TSPAN9: variants seen among roughly 807,000 people sequenced by gnomAD.
TSPAN9 encodes tetraspanin-9.
TSPAN9 carries 16 observed loss-of-function variants against 31.0 expected under a neutral mutation model. The ratio of observed to expected loss-of-function variants is 0.52; its 90% CI spans 0.35 to 0.78. The LOEUF (loss-of-function observed/expected upper bound fraction) is 0.78. Among genes scored for constraint, TSPAN9 ranks in the 30% least tolerant of loss-of-function variants. The pLI is 0.01. For synonymous variants in TSPAN9, 145 were observed against 121.6 expected, an observed-to-expected ratio of 1.19 and a Z score of -1.27; for missense variants, 272 against 312.5, an observed-to-expected ratio of 0.87 and a Z score of 0.98.
At chr12:3,201,120 C>A (rs1031343593) in intron 2 of TSPAN9, 57 bp from the exon 3 acceptor site, 12 of 1,499,970 alleles carry the variant, frequency 8.0e-6, no homozygotes, top group South Asian at 2.3e-5. Context: ...TGCAATGCAC[C>A]CAAAGGCAGC....
chr12:3,171,826 A>G (rs1308380564), intron 2 of TSPAN9: 1 of 152,202 alleles, frequency 6.6e-6, no homozygotes, highest in Non-Finnish European at 1.5e-5. Flanking sequence ...CCTTGTTTGC[A>G]GTGAATCTCT....
chr12:3,206,443 G>C (rs1281770453), intron 3 of TSPAN9: 3 of 441,220 alleles, frequency 6.8e-6, no homozygotes, highest in Non-Finnish European at 9.3e-6. Context: ...GGGTGAGGCA[G>C]CAGCAGGCCT....
intron 2 of TSPAN9, among the ~76,000 whole-genome samples, chr12:3,129,540 C>T (rs2098328836): frequency 6.6e-6 from 1 of 152,136 alleles, no homozygotes; most frequent in African/African-American, 2.4e-5. Context: ...CTAATTCCAC[C>T]ACACACAAGC....
intron 1 of TSPAN9, among the ~76,000 whole-genome samples, chr12:3,082,665 T>G (rs1201303671): frequency 6.6e-6 from 1 of 152,146 alleles, no homozygotes; most frequent in Non-Finnish European, 1.5e-5. Flanking sequence ...GCAATGAACC[T>G]GAGACATTTT....
At chr12:3,105,762 A>T (rs61413838) in intron 2 of TSPAN9, among the ~76,000 whole-genome samples, 1 of 83,032 alleles carries the variant, frequency 1.2e-5, no homozygotes, top group Non-Finnish European at 2.9e-5. Flanking sequence ...ACACACGCAC[A>T]CACGCGCACG....
intron 3 of TSPAN9, among the ~76,000 whole-genome samples, chr12:3,254,946 G>A (rs999895900): frequency 6.6e-6 from 1 of 152,200 alleles, no homozygotes; most frequent in South Asian, 2.1e-4. Flanking sequence ...TGAGTGACTT[G>A]TATTTGTCGG....
chr12:3,105,295 A>C (rs1011467831), intron 2 of TSPAN9, among the ~76,000 whole-genome samples: 1 of 152,144 alleles, frequency 6.6e-6, no homozygotes, highest in African/African-American at 2.4e-5. Flanking sequence ...TTTCCGAGTG[A>C]AGTCTGGGCC....
chr12:3,082,812 T>A (rs2098298574), intron 1 of TSPAN9, among the ~76,000 whole-genome samples: 1 of 152,184 alleles, frequency 6.6e-6, no homozygotes, highest in African/African-American at 2.4e-5. Context: ...CGGTAGGCAT[T>A]GTTTCGTCAA....
At chr12:3,084,386 G>T (rs2098299378) in intron 2 of TSPAN9, among the ~76,000 whole-genome samples, 1 of 152,132 alleles carries the variant, frequency 6.6e-6, no homozygotes, top group African/African-American at 2.4e-5. Flanking sequence ...GTTTTCTCCT[G>T]CGGCTTCTCC....
chr12:3,196,764 C>T (rs1251148520), intron 2 of TSPAN9, among the ~76,000 whole-genome samples: 1 of 152,236 alleles, frequency 6.6e-6, no homozygotes, highest in South Asian at 2.1e-4. Context: ...CCTCTCCTAC[C>T]TGCCTGTTGT....
intron 2 of TSPAN9, among the ~76,000 whole-genome samples, chr12:3,167,421 G>A (rs761313983): frequency 1.8e-4 from 27 of 152,236 alleles, no homozygotes; most frequent in Non-Finnish European, 3.2e-4. Context: ...TAACTTGAGT[G>A]CAGTATTGAT....
chr12:3,272,452 G>A (rs1268765912), intron 3 of TSPAN9, among the ~76,000 whole-genome samples: 1 of 150,888 alleles, frequency 6.6e-6, no homozygotes, highest in Non-Finnish European at 1.5e-5. Flanking sequence ...TACAATGGAA[G>A]AAAAATGGAT....
At chr12:3,259,344 T>C (rs1453384607) in intron 3 of TSPAN9, among the ~76,000 whole-genome samples, 3 of 152,204 alleles carry the variant, frequency 2.0e-5, no homozygotes, top group Admixed American at 1.3e-4. Context: ...AGAACTTTAT[T>C]CATCATATAC....
chr12:3,259,372 G>C (rs1284483943), intron 3 of TSPAN9, among the ~76,000 whole-genome samples: 1 of 152,214 alleles, frequency 6.6e-6, no homozygotes, highest in Non-Finnish European at 1.5e-5. Flanking sequence ...TACTTTAGAG[G>C]AAAGTTCTCA....
chr12:3,253,917 C>T (rs1276682787), intron 3 of TSPAN9, among the ~76,000 whole-genome samples: 5 of 152,174 alleles, frequency 3.3e-5, no homozygotes, highest in Admixed American at 3.3e-4. Context: ...GCCCTGCAGA[C>T]TCTCGTGCAA....
chr12:3,114,426 G>A (rs941622245), intron 2 of TSPAN9, among the ~76,000 whole-genome samples: 6 of 152,214 alleles, frequency 3.9e-5, no homozygotes, highest in African/African-American at 1.4e-4. Flanking sequence ...GTAGGGCAGT[G>A]CGTGGTGTAT....
At chr12:3,165,997 T>C (rs2098348219) in intron 2 of TSPAN9, among the ~76,000 whole-genome samples, 1 of 152,100 alleles carries the variant, frequency 6.6e-6, no homozygotes, top group East Asian at 1.9e-4. Context: ...AACAGGGCCA[T>C]GGAGGGAAGT....
intron 2 of TSPAN9, among the ~76,000 whole-genome samples, chr12:3,113,803 C>T (rs1478164054): frequency 1.3e-5 from 2 of 152,190 alleles, no homozygotes; most frequent in Non-Finnish European, 2.9e-5. Context: ...GCCTTGCGCC[C>T]TCCCTCTTTG....
chr12:3,277,394 G>A (rs1205587292), intron 3 of TSPAN9, among the ~76,000 whole-genome samples: 2 of 152,174 alleles, frequency 1.3e-5, no homozygotes, highest in African/African-American at 4.8e-5. Context: ...AGCGTTGACT[G>A]GGCACCAGTC....
Sources: gnomAD v4.1 joint callset for allele counts (sites outside exome capture counted in the v4.1 genomes callset) on GRCh38, gnomAD v4.1.1 for gene constraint, MANE v1.5 for transcripts, NCBI Gene and HGNC (gene_info 2026-07-23, HGNC 2026-07-21) for gene names.